The following ABCB9 variants were observed in gnomAD, a reference collection of about 807,000 sequenced individuals.
The protein encoded by ABCB9 is ABC-type oligopeptide transporter ABCB9.
A neutral mutation model predicts 62.0 loss-of-function variants in ABCB9; 36 were observed. That is an observed-to-expected ratio of 0.58 (90% CI 0.45 to 0.77). The LOEUF (loss-of-function observed/expected upper bound fraction) is 0.77. ABCB9 is among the 30% of genes least tolerant of loss of function. The probability of loss-of-function intolerance (pLI) is 0.00; values close to 1 mark genes in which losing one functional copy is unlikely to be tolerated. For missense variants in ABCB9, 943 were observed against 1,054.7 expected, an observed-to-expected ratio of 0.89 and a Z score of 1.47; for synonymous variants, 435 against 461.4, an observed-to-expected ratio of 0.94 and a Z score of 0.73.
chr12:122,958,420 T>C (rs944050093), intron 2 of ABCB9, among the ~76,000 whole-genome samples: 2 of 152,156 alleles, frequency 1.3e-5, no homozygotes, highest in African/African-American at 4.8e-5. Context: ...TGCTTGTAGC[T>C]GCATAAGGAA....
In ABCB9 at chr12:122,932,311, C is replaced by A. The variant is rs2035218517; in HGVS notation, c.1921G>T (p.Ala641Ser). The change falls in exon 11 of 12, where the codon GCC becomes TCC. Residue 641 changes from alanine (A) to serine (S), a missense_variant. Coordinates refer to ENST00000280560, the MANE Select transcript of ABCB9 (RefSeq NM_019625.4). The surrounding 1 kb of genome is among the most constrained non-coding windows in gnomAD (Gnocchi z 4.7). Reference protein sequence around the residue: ...GYSTETGEKGAQLSGGQKQRV... With the variant: ...GYSTETGEKGSQLSGGQKQRV... Reference sequence around the variant, plus strand: ...TGCTTCTGGCCACCTGACAGCTGGGCGCCCTTCTCCCCTGTCTCTGTATGG... The same window carrying A: ...TGCTTCTGGCCACCTGACAGCTGGGAGCCCTTCTCCCCTGTCTCTGTATGG... 1 of 1,551,008 alleles carries A rather than the reference C, an allele frequency of 6.4e-7. No individual in the cohort carries two copies. The highest frequency in any genetic ancestry group is 1.4e-5 in the African/African-American group (1 of 73,154).
downstream of ABCB9, chr12:122,920,827 C>T: frequency 5.7e-6 from 3 of 523,798 alleles, no homozygotes; most frequent in South Asian, 5.0e-5. Context: ...GTGGGAGGCT[C>T]ACTGGAGTCT....
intron 5 of ABCB9, chr12:122,948,108 A>C (rs1318563939): frequency 6.6e-6 from 1 of 152,392 alleles, no homozygotes; most frequent in Non-Finnish European, 1.5e-5. Flanking sequence ...AACTAAAAAA[A>C]ATTTTTTTTT....
At chr12:122,924,821 C>T, downstream of ABCB9, 3 of 1,534,718 alleles carry the variant, frequency 2.0e-6, no homozygotes, top group Non-Finnish European at 2.6e-6. Context: ...CTGTGTGGGA[C>T]AGAAGGAGGA....
intron 1 of ABCB9, among the ~76,000 whole-genome samples, chr12:122,961,545 T>C (rs2036908285): frequency 6.6e-6 from 1 of 152,102 alleles, no homozygotes; most frequent in South Asian, 2.1e-4. Flanking sequence ...TAGGTAACAC[T>C]TGAGCAAGAC....
chr12:122,935,741 A>G (rs1469027699), intron 9 of ABCB9, among the ~76,000 whole-genome samples: 4 of 152,192 alleles, frequency 2.6e-5, no homozygotes, highest in African/African-American at 9.7e-5. Flanking sequence ...AGAAAGAGGG[A>G]TAGAATATAG....
At chr12:122,946,471 G>A (rs914640760) in intron 5 of ABCB9, 11 of 547,854 alleles carry the variant, frequency 2.0e-5, no homozygotes, top group East Asian at 6.3e-5. Context: ...GATAGGGCAC[G>A]GTGCTGATCG....
intron 11 of ABCB9, chr12:122,931,189 G>C (rs372588634): frequency 6.6e-6 from 1 of 151,206 alleles, no homozygotes. Flanking sequence ...CATACCTGGC[G>C]GACTTTTGTA....
intron 1 of ABCB9, among the ~76,000 whole-genome samples, chr12:122,961,965 A>G (rs772845664): frequency 1.4e-4 from 21 of 152,296 alleles, no homozygotes; most frequent in Middle Eastern, 3.4e-3. Context: ...AACCCCAAAT[A>G]AACTATTTTG....
chr12:122,969,264 G>A (rs2037244656), upstream of ABCB9, among the ~76,000 whole-genome samples: 1 of 151,536 alleles, frequency 6.6e-6, no homozygotes, highest in South Asian at 2.1e-4. Context: ...GACTGGCTCT[G>A]GTAAACTTGG....
chr12:122,965,373 T>C (rs1043873100), intron 1 of ABCB9, among the ~76,000 whole-genome samples: 1 of 152,170 alleles, frequency 6.6e-6, no homozygotes, highest in Non-Finnish European at 1.5e-5. Flanking sequence ...ATAAGCCCAT[T>C]CCATTCGCTG....
Position 122,944,309 on chromosome 12 carries a change from A to AGGCCC in ABCB9, c.1380+81_1380+82insGGGCC. 6.6e-7 allele frequency: 1 copy of AGGCCC among 1,513,140 alleles called. No homozygotes were observed. The highest frequency in any genetic ancestry group is 8.9e-7 in the Non-Finnish European group (1 of 1,119,686). 93.7% of individuals were successfully genotyped at this position (1,513,140 alleles called of 1,614,324 possible). A position where few individuals can be genotyped will look rare whatever the true frequency, so the allele number is the denominator to read the frequency against. ...AATACCACATTGTCAGAGTCCCTGG[A>AGGCCC]GCCCCGCCCCCACCCTGTTAAGATC... On this transcript the variant is annotated intron_variant, in intron 7 of 11. Transcript: ENST00000280560. The surrounding 1 kb of genome is among the most constrained non-coding windows in gnomAD (Gnocchi z 4.9).
In ABCB9 at chr12:122,944,782, C is replaced by G. The variant is rs1284240883; in HGVS notation, c.1252-263G>C. Reference sequence around the variant, plus strand: ...GCTTTCTTTGTGAGGTCCTGGCACACACATGCCACCCCCAGGCTCCTCAGC... The same window carrying G: ...GCTTTCTTTGTGAGGTCCTGGCACAGACATGCCACCCCCAGGCTCCTCAGC... On this transcript the variant is annotated intron_variant, in intron 6 of 11. Transcript: ENST00000280560. The surrounding 1 kb of genome is among the most constrained non-coding windows in gnomAD (Gnocchi z 4.9). The G allele has an allele frequency of 2.7e-6, 1 of 376,670 alleles. No homozygotes were observed. Among genetic ancestry groups the G allele is most frequent in the Non-Finnish European group, 5.0e-6 (1 of 200,420 alleles). 23.3% of individuals were successfully genotyped at this position (376,670 alleles called of 1,614,324 possible).
At chr12:122,969,035 G>A (rs2037240741), upstream of ABCB9, among the ~76,000 whole-genome samples, 1 of 152,186 alleles carries the variant, frequency 6.6e-6, no homozygotes. Flanking sequence ...CTTAGAATGA[G>A]AGCTTGGTGA....
intron 10 of ABCB9, among the ~76,000 whole-genome samples, chr12:122,933,740 T>A (rs997328816): frequency 6.6e-6 from 1 of 152,136 alleles, no homozygotes; most frequent in African/African-American, 2.4e-5. Context: ...ATTTAGTATA[T>A]TTTAATTTAA....
chr12:122,946,115 C>T lies in ABCB9; in HGVS notation c.1161G>A (p.Glu387=), dbSNP rs769236871. ...TVRSFANEEE[E]AEVYLRKLQQ... is the part of the protein sequence containing the mutation. ...GCAGCTTCCGCAGGTACACCTCTGCCTCCTCCTCCTCATTGGCGAAGCTCC... is the reference window on the plus strand; with the variant it reads ...GCAGCTTCCGCAGGTACACCTCTGCTTCCTCCTCCTCATTGGCGAAGCTCC... Residue 387 remains glutamate, a synonymous_variant, in exon 6 of 12, where the codon GAG becomes GAA. Transcript: ENST00000280560. 8.1e-6 allele frequency: 13 copies of T among 1,613,910 alleles called. No homozygotes were observed. In the African/African-American group the frequency reaches 1.7e-4, roughly 22 times the overall value.
At chr12:122,918,948 A>G (rs1353000808), downstream of ABCB9, among the ~76,000 whole-genome samples, 1 of 152,118 alleles carries the variant, frequency 6.6e-6, no homozygotes, top group Non-Finnish European at 1.5e-5. Context: ...CTATCCCTAT[A>G]GATTTGCTTC....
Position 122,922,784 on chromosome 12 carries a change from CTAT to C in ABCB9, c.2041-1744_2041-1742del, listed in dbSNP as rs1184325898. Among the ~76,000 whole-genome samples, 6 of 151,212 alleles carry C rather than the reference CTAT, an allele frequency of 4.0e-5. No individual in the cohort carries two copies. In the East Asian group the frequency reaches 5.9e-4, roughly 15 times the overall value. On this transcript the variant is annotated intron_variant, in intron 11 of 11. Transcript: ENST00000344275. ...TGAATTGGTTGTGTAGCCTTCCAAT[CTAT>C]TATTATTATTATTTTATTGTTTAGA...
chr12:122,927,806 C>T (rs997052796), downstream of ABCB9, among the ~76,000 whole-genome samples: 2 of 152,164 alleles, frequency 1.3e-5, no homozygotes, highest in African/African-American at 4.8e-5. Context: ...TACACATGTG[C>T]TTGTTGGTCC....
Sources: allele counts gnomAD v4.1 joint callset (sites outside exome capture counted in the v4.1 genomes callset), GRCh38; gene constraint gnomAD v4.1.1; non-coding constraint Gnocchi (gnomAD v3.1); transcripts MANE v1.5; gene names NCBI Gene and HGNC (gene_info 2026-07-23, HGNC 2026-07-21).